Variants in OOSP3 observed in about 807,000 individuals in gnomAD.
OOSP3 encodes oocyte-secreted protein 3.
chr11:59,896,182 T>C (rs1390587157), exon 5 of OOSP3: 2 of 398,388 alleles, frequency 5.0e-6, no homozygotes, highest in Non-Finnish European at 8.9e-6. Context: ...CATCCATTAG[T>C]CCATGAGAGT....
chr11:59,888,934 C>G (rs987967980), intron 2 of OOSP3, among the ~76,000 whole-genome samples: 6 of 151,558 alleles, frequency 4.0e-5, no homozygotes, highest in African/African-American at 7.3e-5. Flanking sequence ...TCCTGGGCTT[C>G]TTTGTTTGTT....
At chr11:59,880,500 C>T (rs1348965449) in intron 2 of OOSP3, 61 bp downstream of exon 2, 2 of 397,830 alleles carry the variant, frequency 5.0e-6, no homozygotes, top group Non-Finnish European at 8.9e-6. Context: ...TGCAGTAGTA[C>T]TGTGTGTACT....
chr11:59,895,337 T>TA (rs1197264072), intron 3 of OOSP3, among the ~76,000 whole-genome samples, 165 bp from the exon 4 acceptor site: 39 of 145,298 alleles, frequency 2.7e-4, no homozygotes, highest in South Asian at 4.4e-4. Flanking sequence ...TGTTAATCCT[T>TA]AAAAAAAAAA....
chr11:59,888,972 C>G (rs1429485668), intron 2 of OOSP3, among the ~76,000 whole-genome samples: 1 of 152,158 alleles, frequency 6.6e-6, no homozygotes, highest in Non-Finnish European at 1.5e-5. Flanking sequence ...GTTACTGCCT[C>G]AATTTCAGAA....
chr11:59,895,113 A>G (rs1435604089), intron 3 of OOSP3, among the ~76,000 whole-genome samples: 1 of 152,160 alleles, frequency 6.6e-6, no homozygotes, highest in East Asian at 1.9e-4. Flanking sequence ...AAACTTTGCT[A>G]TATCTTCAGG....
At chr11:59,892,734 G>C (rs1244355280) in intron 2 of OOSP3, among the ~76,000 whole-genome samples, 1 of 152,006 alleles carries the variant, frequency 6.6e-6, no homozygotes, top group Non-Finnish European at 1.5e-5. Flanking sequence ...TGAAGATGGG[G>C]CTTTTGAGGA....
At chr11:59,884,511 C>G (rs1272216550) in intron 2 of OOSP3, among the ~76,000 whole-genome samples, 1 of 141,426 alleles carries the variant, frequency 7.1e-6, no homozygotes, top group Non-Finnish European at 1.5e-5. Flanking sequence ...CTCTCTCTCT[C>G]TCTCTCTCTA....
chr11:59,880,137 C>T (rs1395834930), intron 1 of OOSP3, 124 bp from the exon 2 acceptor site: 1 of 395,466 alleles, frequency 2.5e-6, no homozygotes, highest in African/African-American at 2.1e-5. Context: ...CATATTGTAT[C>T]TCTCAAGGCT....
intron 2 of OOSP3, among the ~76,000 whole-genome samples, chr11:59,885,910 TC>T (rs1853252735): frequency 6.6e-6 from 1 of 152,160 alleles, no homozygotes; most frequent in African/African-American, 2.4e-5. Flanking sequence ...TATTTTATGT[TC>T]TGGGGTACAT....
chr11:59,885,742 GT>G (rs1303847841), intron 2 of OOSP3, among the ~76,000 whole-genome samples: 11 of 151,774 alleles, frequency 7.2e-5, no homozygotes, highest in African/African-American at 2.7e-4. Context: ...TGGGTTGGAA[GT>G]TTTTTTACGT....
In OOSP3 at chr11:59,894,123, T is replaced by C. The variant is rs552951021; in HGVS notation, c.297T>C (p.Asn99=). 1.8e-5 allele frequency: 7 copies of C among 398,608 alleles called. No individual in the cohort carries two copies. The South Asian group carries it at 3.8e-4, about 22-fold the overall frequency. 24.7% of individuals were successfully genotyped at this position (398,608 alleles called of 1,614,324 possible). The change falls in exon 3 of 5, where the codon AAT becomes AAC. Residue 99 remains asparagine, a synonymous_variant. Coordinates refer to ENST00000646438, the Ensembl canonical transcript of OOSP3. ...TTTTTTATTCAGCACTCCACTGTAA[T>C]ATAATGCACAAAGGAGTCACTGGCA...
At chr11:59,882,090 A>G (rs976142065) in intron 2 of OOSP3, among the ~76,000 whole-genome samples, 1 of 152,114 alleles carries the variant, frequency 6.6e-6, no homozygotes, top group Non-Finnish European at 1.5e-5. Context: ...ATGACTTATT[A>G]TGGATATAGG....
intron 4 of OOSP3, 131 bp downstream of exon 4, chr11:59,895,783 T>C (rs1853350825): frequency 2.5e-6 from 1 of 396,644 alleles, no homozygotes; most frequent in Non-Finnish European, 4.4e-6. Flanking sequence ...AACTACATGA[T>C]GGGTCTCACA....
intron 2 of OOSP3, among the ~76,000 whole-genome samples, chr11:59,882,225 C>T (rs1045520473): frequency 6.6e-6 from 1 of 151,820 alleles, no homozygotes; most frequent in Non-Finnish European, 1.5e-5. Context: ...CAAACTATGA[C>T]GTAGAATAAC....
intron 1 of OOSP3, among the ~76,000 whole-genome samples, chr11:59,879,854 G>C (rs1370187900): frequency 1.3e-5 from 2 of 152,016 alleles, no homozygotes; most frequent in African/African-American, 2.4e-5. Flanking sequence ...AGGGATGAGA[G>C]TCAGAGGCCA....
intron 2 of OOSP3, among the ~76,000 whole-genome samples, chr11:59,888,621 C>T (rs1327856658): frequency 6.6e-6 from 1 of 152,086 alleles, no homozygotes; most frequent in Admixed American, 6.6e-5. Context: ...ATATGTTGAA[C>T]CAGCCTTGCA....
exon 5 of OOSP3, chr11:59,896,279 C>G (rs1258866948): frequency 2.5e-6 from 1 of 397,502 alleles, no homozygotes; most frequent in African/African-American, 2.1e-5. Flanking sequence ...TTTTGAACCA[C>G]TCACTACAGA....
intron 2 of OOSP3, among the ~76,000 whole-genome samples, chr11:59,881,103 A>C (rs530839599): frequency 2.0e-5 from 3 of 151,936 alleles, no homozygotes; most frequent in African/African-American, 4.8e-5. Flanking sequence ...GGCTTACCCT[A>C]TAATCCCAGC....
chr11:59,885,666 C>A (rs1853249012), intron 2 of OOSP3, among the ~76,000 whole-genome samples: 1 of 152,200 alleles, frequency 6.6e-6, no homozygotes, highest in Non-Finnish European at 1.5e-5. Flanking sequence ...CTTTTTATGG[C>A]TGCATACTAT....
Sources: allele counts gnomAD v4.1 joint callset (sites outside exome capture counted in the v4.1 genomes callset), GRCh38; gene constraint gnomAD v4.1.1; transcripts MANE v1.5; gene names NCBI Gene and HGNC (gene_info 2026-07-23, HGNC 2026-07-21).